Variants in HIPK2 observed in about 807,000 individuals in gnomAD.
HIPK2 encodes the protein homeodomain interacting protein kinase 2, also known as homeodomain-interacting protein kinase 2.
Under a neutral mutation model 113.7 loss-of-function variants are expected in HIPK2, and 27 were observed. The ratio of observed to expected loss-of-function variants is 0.24; its 90% CI spans 0.17 to 0.33. HIPK2 has a LOEUF of 0.33. Among genes scored for constraint, HIPK2 ranks in the 10% least tolerant of loss-of-function variants. The pLI is 1.00. For synonymous variants in HIPK2, 631 were observed against 642.2 expected (o/e 0.98, Z 0.26); for missense variants, 1,257 against 1,588.0 (o/e 0.79, Z 3.54).
chr7:139,761,161 T>C (rs1177286803), intron 1 of HIPK2, among the ~76,000 whole-genome samples: 3 of 152,196 alleles, frequency 2.0e-5, no homozygotes, highest in South Asian at 4.1e-4. Context: ...GTGGGAACCA[T>C]GTGTCAGGGT....
In HIPK2 at chr7:139,561,939, G is replaced by A. The variant is rs1003418694; in HGVS notation, c.*10988C>T. 1 of 152,172 alleles carries A rather than the reference G, an allele frequency of 6.6e-6. No homozygotes were observed. Among genetic ancestry groups the A allele is most frequent in the Admixed American group, 6.5e-5 (1 of 15,272 alleles). 9.4% of individuals were successfully genotyped at this position (152,172 alleles called of 1,614,324 possible). On this transcript the variant is annotated 3_prime_UTR_variant, in exon 15 of 15. Coordinates refer to ENST00000406875, the MANE Select transcript of HIPK2 (RefSeq NM_022740.5). ...TTAATTTAGAAGCACACGACGTCATGATGAAAAACACAAGCATTTTAGTAG... is the reference window on the plus strand; with the variant it reads ...TTAATTTAGAAGCACACGACGTCATAATGAAAAACACAAGCATTTTAGTAG...
At chr7:139,679,875 C>T (rs888224635) in intron 2 of HIPK2, among the ~76,000 whole-genome samples, 2 of 151,776 alleles carry the variant, frequency 1.3e-5, no homozygotes, top group African/African-American at 4.8e-5. Context: ...TTTAACCTCT[C>T]AGAAGTAGAA....
In HIPK2 at chr7:139,665,588, AT is replaced by A. The variant is rs1802020882; in HGVS notation, c.1104-33864del. Among the ~76,000 whole-genome samples, 4 of 151,488 alleles carry A rather than the reference AT, an allele frequency of 2.6e-5. No homozygotes were observed. The South Asian group carries it at 8.4e-4, about 32-fold the overall frequency. On this transcript the variant is annotated intron_variant, in intron 2 of 14. Transcript: ENST00000406875. ...CATCCATCCATCCATCCATCCATCC[AT>A]CCATCCATCCATCCATCCACCCATG...
In HIPK2 at chr7:139,569,897, C is replaced by G. The variant is rs1798208157; in HGVS notation, c.*3030G>C. 6.6e-6 allele frequency: 1 copy of G among 151,992 alleles called. No homozygotes were observed. Among genetic ancestry groups the G allele is most frequent in the Non-Finnish European group, 1.5e-5 (1 of 68,016 alleles). 9.4% of individuals were successfully genotyped at this position (151,992 alleles called of 1,614,324 possible). On this transcript the variant is annotated 3_prime_UTR_variant, in exon 15 of 15. Coordinates refer to ENST00000406875, the MANE Select transcript of HIPK2 (RefSeq NM_022740.5). ...CTGACTAAAATATCAACATAATGATCATAATTACAATGGTAATAAAAATAA... is the reference window on the plus strand; with the variant it reads ...CTGACTAAAATATCAACATAATGATGATAATTACAATGGTAATAAAAATAA...
intron 1 of HIPK2, among the ~76,000 whole-genome samples, chr7:139,719,132 C>T (rs573510765): frequency 1.3e-5 from 2 of 151,982 alleles, no homozygotes; most frequent in African/African-American, 4.8e-5. Context: ...CCTCTTCCTC[C>T]TTTATTTTAT....
chr7:139,713,845 G>A (rs111873138), intron 2 of HIPK2, among the ~76,000 whole-genome samples: 5 of 152,314 alleles, frequency 3.3e-5, no homozygotes, highest in East Asian at 1.9e-4. Context: ...GCTGGTACCC[G>A]GGACGGCCAC....
intron 1 of HIPK2, among the ~76,000 whole-genome samples, chr7:139,728,054 C>T (rs2117013664): frequency 6.6e-6 from 1 of 151,700 alleles, no homozygotes; most frequent in South Asian, 2.1e-4. Flanking sequence ...ATCCTCCCAC[C>T]TCAGTCTCCC....
intron 2 of HIPK2, among the ~76,000 whole-genome samples, chr7:139,646,104 G>A (rs1801210004): frequency 6.6e-6 from 1 of 152,108 alleles, no homozygotes; most frequent in Non-Finnish European, 1.5e-5. Flanking sequence ...CCTCCCACTA[G>A]GGGGCGCTGA....
chr7:139,715,902 C>A, intron 2 of HIPK2, 30 bp downstream of exon 2: 1 of 1,595,362 alleles, frequency 6.3e-7, no homozygotes, highest in Admixed American at 1.7e-5. Context: ...GGGCATTCAG[C>A]AGCTCCTGTC....
intron 2 of HIPK2, among the ~76,000 whole-genome samples, chr7:139,649,366 G>T (rs912385120): frequency 6.6e-6 from 1 of 152,186 alleles, no homozygotes; most frequent in Non-Finnish European, 1.5e-5. Flanking sequence ...CTGACCTTCA[G>T]TTCCCAGCCT....
At position 139,614,327 on chromosome 7, in the gene HIPK2, G is replaced by C. The variant is rs373425042; in HGVS notation, c.1949C>G (p.Pro650Arg). 1.3e-6 allele frequency: 2 copies of C among 1,558,786 alleles called. No individual in the cohort carries two copies. Among genetic ancestry groups the C allele is most frequent in the East Asian group, 2.4e-5 (1 of 42,134 alleles). ...GTAQICARPD[P>R]FQQALIVCPP... ...ACACACGATGAGAGCTTGCTGGAAC[G>C]GGTCAGGCCGGGCACAAATCTGGGC... The change falls in exon 8 of 15, where the codon CCG becomes CGG. Residue 650 changes from proline (P) to arginine (R), a missense_variant. By Grantham distance (103) the Pro-to-Arg change is moderately radical (BLOSUM62 -2). This residue lies in a region of HIPK2 where 862 missense variants were observed against 1,004.3 expected (regional missense o/e 0.86). Coordinates refer to ENST00000406875, the MANE Select transcript of HIPK2 (RefSeq NM_022740.5).
intron 1 of HIPK2, among the ~76,000 whole-genome samples, chr7:139,744,505 C>T: frequency 6.6e-6 from 1 of 152,168 alleles, no homozygotes; most frequent in East Asian, 1.9e-4. Context: ...GCCTGATGTA[C>T]AACTTAGTGA....
intron 6 of HIPK2, among the ~76,000 whole-genome samples, chr7:139,624,373 G>A (rs1244946463): frequency 6.6e-6 from 1 of 152,088 alleles, no homozygotes; most frequent in African/African-American, 2.4e-5. Flanking sequence ...GCCACTGGCT[G>A]GACCTTCCTC....
chr7:139,583,737 C>T (rs1053787586), intron 13 of HIPK2, 80 bp downstream of exon 13: 16 of 1,550,242 alleles, frequency 1.0e-5, no homozygotes, highest in African/African-American at 1.4e-5. Flanking sequence ...AGCTCCCATA[C>T]AGCAACATTT....
At chr7:139,772,591 CTTTA>C (rs965957110) in intron 1 of HIPK2, among the ~76,000 whole-genome samples, 2 of 152,122 alleles carry the variant, frequency 1.3e-5, no homozygotes, top group East Asian at 3.9e-4. Context: ...TCTTCCCACT[CTTTA>C]TTTATTTATT....
chr7:139,690,196 G>A (rs562563507), intron 2 of HIPK2, among the ~76,000 whole-genome samples: 24 of 152,228 alleles, frequency 1.6e-4, no homozygotes, highest in Non-Finnish European at 3.4e-4. Context: ...GCCCAACTAC[G>A]TCAGTGTAAA....
chr7:139,643,408 ACATT>A, intron 2 of HIPK2, among the ~76,000 whole-genome samples: 1 of 151,734 alleles, frequency 6.6e-6, no homozygotes, highest in Admixed American at 6.6e-5. Context: ...ACACACACAC[ACATT>A]TTCACACTGA....
chr7:139,658,214 G>A (rs1263407803), intron 2 of HIPK2, among the ~76,000 whole-genome samples: 9 of 151,936 alleles, frequency 5.9e-5, no homozygotes, highest in African/African-American at 2.2e-4. Flanking sequence ...GCTGAGGCAG[G>A]AGAATCACTT....
rs934528821 is a variant in HIPK2, at chr7:139,715,852, C to T, written c.1103+80G>A. The T allele has an allele frequency of 2.6e-6, 4 of 1,531,110 alleles. No homozygotes were observed. The African/African-American group carries it at 4.2e-5, about 16-fold the overall frequency. 94.8% of individuals were successfully genotyped at this position (1,531,110 alleles called of 1,614,324 possible). ...ACTGTAGACATATAATTTTATCTCC[C>T]CACAGTGACTAAGGTGGCACATTCT... On this transcript the variant is annotated intron_variant, in intron 2 of 14. Transcript: ENST00000406875.
Sources: gnomAD v4.1 joint callset for allele counts (sites outside exome capture counted in the v4.1 genomes callset) on GRCh38, gnomAD v4.1.1 for gene constraint, gnomAD v4.1.1 regional missense constraint, MANE v1.5 for transcripts, NCBI Gene and HGNC (gene_info 2026-07-23, HGNC 2026-07-21) for gene names.